PPP3CA: variants seen among roughly 807,000 people sequenced by gnomAD.
The protein encoded by PPP3CA is CAM-PRP catalytic subunit.
A neutral mutation model predicts 66.5 loss-of-function variants in PPP3CA; 14 were observed. The ratio of observed to expected loss-of-function variants is 0.21; its 90% CI spans 0.14 to 0.33. The LOEUF is 0.33. Among genes scored for constraint, PPP3CA ranks in the 10% least tolerant of loss-of-function variants. The pLI is 1.00. For synonymous variants in PPP3CA, 232 were observed against 226.2 expected, an observed-to-expected ratio of 1.03 and a Z score of -0.23; for missense variants, 317 against 639.5, an observed-to-expected ratio of 0.50 and a Z score of 5.44.
chr4:101,184,428 T>C (rs762799994), intron 2 of PPP3CA, among the ~76,000 whole-genome samples: 11 of 152,170 alleles, frequency 7.2e-5, no homozygotes, highest in Non-Finnish European at 1.5e-4. Flanking sequence ...CAAGTGGCAA[T>C]TGAGCACATG....
At chr4:101,346,714 C>G (rs754758125) in intron 1 of PPP3CA, 25 bp downstream of exon 1, 20 of 1,604,164 alleles carry the variant, frequency 1.2e-5, no homozygotes, top group Non-Finnish European at 1.7e-5. Flanking sequence ...ACGGTGCACC[C>G]AGGCCACCGC....
At chr4:101,109,656 CAAA>C (rs33932766) in intron 2 of PPP3CA, among the ~76,000 whole-genome samples, 23 of 103,940 alleles carry the variant, frequency 2.2e-4, no homozygotes, top group Non-Finnish European at 3.4e-4. Context: ...ACCACTAAGG[CAAA>C]AAAAAAAAAA....
chr4:101,117,933 T>C (rs988663154), intron 2 of PPP3CA, among the ~76,000 whole-genome samples: 5 of 151,906 alleles, frequency 3.3e-5, no homozygotes, highest in African/African-American at 1.2e-4. Context: ...ACATATAAAC[T>C]ACATATAAAT....
intron 13 of PPP3CA, among the ~76,000 whole-genome samples, chr4:101,027,700 A>G (rs1252253906): frequency 2.0e-5 from 3 of 152,192 alleles, no homozygotes; most frequent in Non-Finnish European, 4.4e-5. Context: ...TGTCATCATT[A>G]TCATTTATGA....
At chr4:101,114,307 T>C (rs192000035) in intron 2 of PPP3CA, among the ~76,000 whole-genome samples, 3 of 152,206 alleles carry the variant, frequency 2.0e-5, no homozygotes, top group African/African-American at 7.2e-5. Context: ...TATATTGAAA[T>C]AAAACATAAG....
intron 2 of PPP3CA, among the ~76,000 whole-genome samples, chr4:101,124,541 A>G (rs955137762): frequency 6.6e-6 from 1 of 151,770 alleles, no homozygotes; most frequent in African/African-American, 2.4e-5. Context: ...CCCAGGAGGC[A>G]GAGGTTGCAG....
At chr4:101,181,789 G>A (rs1443634257) in intron 2 of PPP3CA, among the ~76,000 whole-genome samples, 1 of 152,066 alleles carries the variant, frequency 6.6e-6, no homozygotes, top group Non-Finnish European at 1.5e-5. Context: ...CACATCTTTA[G>A]ATAAGAAATT....
chr4:101,290,138 C>T (rs1250140473), intron 1 of PPP3CA, among the ~76,000 whole-genome samples: 1 of 152,156 alleles, frequency 6.6e-6, no homozygotes, highest in Non-Finnish European at 1.5e-5. Context: ...CAAAAGTTTA[C>T]AAAACTTGCC....
rs1160191355 is a variant in PPP3CA, at chr4:101,025,235, T to A, written c.*630A>T. The A allele has an allele frequency of 6.6e-6, 1 of 152,100 alleles. No homozygotes were observed. The highest frequency in any genetic ancestry group is 1.5e-5 in the Non-Finnish European group (1 of 67,940). The allele number at this position is 152,100 out of a possible 1,614,324, so 9.4% of individuals were successfully genotyped here. On this transcript the variant is annotated 3_prime_UTR_variant, in exon 14 of 14. Coordinates refer to ENST00000394854, the MANE Select transcript of PPP3CA (RefSeq NM_000944.5). ...CTAAAGAAACCTGAGGTAAGCATAATCTGTACAAAATTAAACTGTCCTTTT... is the reference window on the plus strand; with the variant it reads ...CTAAAGAAACCTGAGGTAAGCATAAACTGTACAAAATTAAACTGTCCTTTT...
chr4:101,119,344 C>T (rs1019278607), intron 2 of PPP3CA, among the ~76,000 whole-genome samples: 18 of 151,910 alleles, frequency 1.2e-4, no homozygotes, highest in African/African-American at 3.4e-4. Context: ...GTGGCAGCAC[C>T]GTGACGAGTT....
At chr4:101,182,133 A>T (rs1398382553) in intron 2 of PPP3CA, among the ~76,000 whole-genome samples, 1 of 152,160 alleles carries the variant, frequency 6.6e-6, no homozygotes, top group Non-Finnish European at 1.5e-5. Flanking sequence ...AAGGTGATAG[A>T]CTGAGATTCA....
At chr4:101,092,684 G>T (rs184867229) in intron 6 of PPP3CA, among the ~76,000 whole-genome samples, 1 of 152,002 alleles carries the variant, frequency 6.6e-6, no homozygotes, top group Admixed American at 6.6e-5. Flanking sequence ...GAGAACATGA[G>T]GTGTTTGGTT....
chr4:101,061,917 CTTT>C (rs1453134196), intron 9 of PPP3CA, among the ~76,000 whole-genome samples: 1 of 151,978 alleles, frequency 6.6e-6, no homozygotes, highest in Non-Finnish European at 1.5e-5. Flanking sequence ...TCTACTGCTT[CTTT>C]GAGAGCTACT....
chr4:101,059,908 C>T (rs1051986592), intron 10 of PPP3CA, among the ~76,000 whole-genome samples: 11 of 151,998 alleles, frequency 7.2e-5, no homozygotes, highest in Non-Finnish European at 1.5e-4. Flanking sequence ...GACTACTTAA[C>T]AATACTGAAC....
At chr4:101,121,829 A>G (rs1722041613) in intron 2 of PPP3CA, among the ~76,000 whole-genome samples, 1 of 152,152 alleles carries the variant, frequency 6.6e-6, no homozygotes, top group Non-Finnish European at 1.5e-5. Flanking sequence ...AGACTTACAC[A>G]TATGAACAGA....
chr4:101,038,374 CTT>C (rs751990204), intron 11 of PPP3CA, among the ~76,000 whole-genome samples: 3 of 142,902 alleles, frequency 2.1e-5, no homozygotes, highest in Non-Finnish European at 4.6e-5. Context: ...CTTTTTTTTT[CTT>C]TTTTTTTTTT....
At position 101,229,236 on chromosome 4, in the gene PPP3CA, T is replaced by TACACAC. The variant is rs10654762; in HGVS notation, c.59-33121_59-33120insGTGTGT. Among the ~76,000 whole-genome samples the TACACAC allele has an allele frequency of 9.2e-3, 1,380 of 150,292 alleles. 17 individuals carry two copies. Among genetic ancestry groups the TACACAC allele is most frequent in the Middle Eastern group, 0.024 (7 of 294 alleles). On this transcript the variant is annotated intron_variant, in intron 1 of 13. Coordinates refer to ENST00000394854, the MANE Select transcript of PPP3CA (RefSeq NM_000944.5). ...GTAATACAACTTTTATTCATTATTT[T>TACACAC]ACACTCACACACACACACCAAACTA...
At chr4:101,234,882 A>C (rs930346708) in intron 1 of PPP3CA, among the ~76,000 whole-genome samples, 2 of 151,812 alleles carry the variant, frequency 1.3e-5, no homozygotes, top group African/African-American at 4.8e-5. Flanking sequence ...ACTACAAACT[A>C]ATAAGAGTCT....
At chr4:101,207,025 T>C (rs1190169851) in intron 1 of PPP3CA, among the ~76,000 whole-genome samples, 1 of 151,886 alleles carries the variant, frequency 6.6e-6, no homozygotes. Flanking sequence ...GAGCAACAGA[T>C]AGAAAACTGA....
Sources: allele counts gnomAD v4.1 joint callset (sites outside exome capture counted in the v4.1 genomes callset), GRCh38; gene constraint gnomAD v4.1.1; transcripts MANE v1.5; gene names NCBI Gene and HGNC (gene_info 2026-07-23, HGNC 2026-07-21).